The following GNB1 variants were observed in gnomAD, a reference collection of about 807,000 sequenced individuals.
GNB1 encodes guanine nucleotide-binding protein G(I)/G(S)/G(T) subunit beta-1.
In GNB1, 2 loss-of-function variants were observed where a neutral mutation model predicts 42.9. The ratio of observed to expected loss-of-function variants is 0.05; its 90% CI spans 0.02 to 0.15. GNB1 has a LOEUF of 0.15. GNB1 is among the 10% of genes least tolerant of loss of function. GNB1 has a pLI of 1.00. For missense variants in GNB1, 193 were observed against 462.2 expected, an observed-to-expected ratio of 0.42 and a Z score of 5.34; for synonymous variants, 183 against 174.7, an observed-to-expected ratio of 1.05 and a Z score of -0.38.
chr1:1,859,098 T>C (rs908898526), intron 1 of GNB1, among the ~76,000 whole-genome samples: 5 of 151,816 alleles, frequency 3.3e-5, no homozygotes, highest in African/African-American at 9.7e-5. Flanking sequence ...CTCAGCTCAC[T>C]GCAACCTCCA....
chr1:1,811,469 C>A (rs1385059840), intron 5 of GNB1, among the ~76,000 whole-genome samples: 1 of 152,034 alleles, frequency 6.6e-6, no homozygotes, highest in Admixed American at 6.5e-5. Flanking sequence ...CCGAGGCGAG[C>A]GGATCACGAG....
At chr1:1,842,938 CA>C (rs1647389894) in intron 1 of GNB1, among the ~76,000 whole-genome samples, 1 of 152,188 alleles carries the variant, frequency 6.6e-6, no homozygotes, top group South Asian at 2.1e-4. Context: ...AATCAAGTTT[CA>C]AAGCATGGGT....
rs1646463208 is a variant in GNB1, at chr1:1,790,197, A to C, written c.699+198T>G. ...GTGGGAACGGGGACTGGCATACAAC[A>C]CCCTGTGAGTATCTGTGAGACAAGT... On this transcript the variant is annotated intron_variant, in intron 9 of 11. Transcript: ENST00000378609. This position sits in a 1 kb window ranked among gnomAD's most constrained non-coding sequence, Gnocchi z 5.4. Among the ~76,000 whole-genome samples the C allele has an allele frequency of 6.6e-6, 1 of 152,086 alleles. No individual in the cohort carries two copies. The highest frequency in any genetic ancestry group is 6.5e-5 in the Admixed American group (1 of 15,268).
intron 2 of GNB1, among the ~76,000 whole-genome samples, chr1:1,832,632 T>G (rs1275135621): frequency 6.6e-6 from 1 of 152,188 alleles, no homozygotes. Flanking sequence ...GTGTAGTGCC[T>G]CTACCCTTCA....
intron 1 of GNB1, among the ~76,000 whole-genome samples, chr1:1,855,654 C>T (rs1570720888): frequency 6.7e-6 from 1 of 149,998 alleles, no homozygotes; most frequent in African/African-American, 2.5e-5. Flanking sequence ...TGCAGTGAGC[C>T]GAGATCGCGC....
At chr1:1,820,457 T>A (rs1164930125) in intron 3 of GNB1, among the ~76,000 whole-genome samples, 11 of 151,572 alleles carry the variant, frequency 7.3e-5, no homozygotes, top group Admixed American at 7.2e-4. Flanking sequence ...TCTTTATTGG[T>A]CATTCTGCTT....
chr1:1,859,083 G>A (rs756190178), intron 1 of GNB1, among the ~76,000 whole-genome samples: 39 of 150,296 alleles, frequency 2.6e-4, no homozygotes, highest in Non-Finnish European at 5.0e-4. Flanking sequence ...ATGCAATAGC[G>A]CGATCTCAGC....
chr1:1,831,161 T>G (rs1480701188), intron 2 of GNB1, among the ~76,000 whole-genome samples: 2 of 151,750 alleles, frequency 1.3e-5, no homozygotes, highest in Non-Finnish European at 2.9e-5. Flanking sequence ...TGAGGCTCCA[T>G]CTCAAAAAAA....
intron 1 of GNB1, among the ~76,000 whole-genome samples, chr1:1,883,967 CT>C (rs1186881007): frequency 2.6e-3 from 352 of 136,212 alleles, no homozygotes; most frequent in Middle Eastern, 0.011. Context: ...AGTGTCCGGA[CT>C]TTTTTTTTTT....
intron 10 of GNB1, 174 bp downstream of exon 10, chr1:1,788,879 C>T (rs1317104739): frequency 1.7e-6 from 1 of 588,418 alleles, no homozygotes; most frequent in Non-Finnish European, 3.1e-6. Context: ...TCCTCGGAGT[C>T]CACTTGCCTG....
chr1:1,823,243 A>G (rs79961553), intron 3 of GNB1, among the ~76,000 whole-genome samples: 233 of 117,396 alleles, frequency 2.0e-3, no homozygotes, highest in African/African-American at 8.0e-3. Flanking sequence ...CTGTCTCCAG[A>G]AAAAAAAAAA....
rs190555971 is a variant in GNB1, at chr1:1,873,633, G to T, written c.-96+17187C>A. ...TCTTCTTAAACTTGGCGCCGAGACT[G>T]GACGCAGTGGCTCACACCTGCAATC... On this transcript the variant is annotated intron_variant, in intron 1 of 11. Transcript: ENST00000378609. Among the ~76,000 whole-genome samples the T allele has an allele frequency of 1.5e-3, 233 of 152,354 alleles. 1 individual carries two copies. Among genetic ancestry groups the T allele is most frequent in the Non-Finnish European group, 2.7e-3 (185 of 68,036 alleles).
At chr1:1,833,275 G>C (rs942243278) in intron 2 of GNB1, among the ~76,000 whole-genome samples, 1 of 152,160 alleles carries the variant, frequency 6.6e-6, no homozygotes, top group African/African-American at 2.4e-5. Context: ...TTTTGAAAGA[G>C]AGGAGTTTGC....
At position 1,786,116 on chromosome 1, in the gene GNB1, G is replaced by T; in HGVS notation, c.*947C>A. The T allele has an allele frequency of 2.5e-6, 1 of 398,514 alleles. No individual in the cohort carries two copies. Among genetic ancestry groups the T allele is most frequent in the Non-Finnish European group, 4.4e-6 (1 of 226,016 alleles). 24.7% of individuals were successfully genotyped at this position (398,514 alleles called of 1,614,324 possible). A position where few individuals can be genotyped will look rare whatever the true frequency, so the allele number is the denominator to read the frequency against. On this transcript the variant is annotated 3_prime_UTR_variant, in exon 12 of 12. Transcript: ENST00000378609. ...ATCATTATTTTCAAAACATTGATTT[G>T]TACATTGTTTCATACACAAATAATT...
rs1186243655 is a variant in GNB1 at position 1,817,839 on chromosome 1, G to C, written c.94C>G (p.Gln32Glu). Residue 32 changes from glutamine (Q) to glutamate (E), a missense_variant and splice_region_variant, in exon 4 of 12, where the codon CAG (glutamine) becomes GAG (glutamate). Gln to Glu is a conservative substitution (Grantham distance 29). This residue lies in a region of GNB1 where 43 missense variants were observed against 51.5 expected (regional missense o/e 0.84). Transcript: ENST00000378609. ...RKACADATLS[Q>E]ITNNIDPVGR... ...TGCGTGACTCAGTGGGCTCTTACCT[G>C]AGAGAGAGTTGCATCTGCACATGCT... is the stretch of plus-strand genomic sequence containing the variant. 1.2e-6 allele frequency: 2 copies of C among 1,610,192 alleles called. No individual in the cohort carries two copies. The highest frequency in any genetic ancestry group is 2.2e-5 in the South Asian group (2 of 90,974).
At chr1:1,794,731 G>T (rs144399597) in intron 7 of GNB1, among the ~76,000 whole-genome samples, 3 of 152,056 alleles carry the variant, frequency 2.0e-5, no homozygotes, top group African/African-American at 7.2e-5. Context: ...TCGTGCTGTC[G>T]CCAGGCTGGA....
chr1:1,821,719 C>T (rs564652552), intron 3 of GNB1, among the ~76,000 whole-genome samples: 1 of 152,360 alleles, frequency 6.6e-6, no homozygotes, highest in South Asian at 2.1e-4. Context: ...CCATGACCTG[C>T]CTGTGGCTGC....
chr1:1,790,754 A>G lies in GNB1; in HGVS notation c.498-158T>C, dbSNP rs900669853. Among the ~76,000 whole-genome samples the G allele has an allele frequency of 6.6e-6, 1 of 152,220 alleles. No homozygotes were observed. On this transcript the variant is annotated intron_variant, in intron 8 of 11. Transcript: ENST00000378609. The surrounding 1 kb of genome is among the most constrained non-coding windows in gnomAD (Gnocchi z 5.4). ...TTGTTTAAAGACAAATTTAAATGTA[A>G]TACAACTTTGGAAGGGAAACAAAGC...
Position 1,792,828 on chromosome 1 carries a change from G to A in GNB1, c.497+417C>T, listed in dbSNP as rs771278596. On this transcript the variant is annotated intron_variant, in intron 8 of 11. Transcript: ENST00000378609. ...CGCCTGTAATCCCAGCACTTTGGGAGGCCGAGGTGGGCAGGTCACCTGAGG... is the reference window on the plus strand; with the variant it reads ...CGCCTGTAATCCCAGCACTTTGGGAAGCCGAGGTGGGCAGGTCACCTGAGG... Among the ~76,000 whole-genome samples the A allele has an allele frequency of 1.2e-4, 19 of 152,262 alleles. No individual in the cohort carries two copies. The East Asian group carries it at 2.5e-3, about 20-fold the overall frequency.
Sources: gnomAD v4.1 joint callset for allele counts (sites outside exome capture counted in the v4.1 genomes callset) on GRCh38, gnomAD v4.1.1 for gene constraint, gnomAD v4.1.1 regional missense constraint, Gnocchi (gnomAD v3.1) non-coding constraint, MANE v1.5 for transcripts, NCBI Gene and HGNC (gene_info 2026-07-23, HGNC 2026-07-21) for gene names.